The following CARF variants were observed in gnomAD, a reference collection of about 807,000 sequenced individuals.
The protein encoded by CARF is calcium responsive transcription factor, also known as calcium-responsive transcription factor.
CARF carries 57 observed loss-of-function variants against 82.0 expected under a neutral mutation model. The ratio of observed to expected loss-of-function variants is 0.70; its 90% confidence interval spans 0.56 to 0.87. The LOEUF (loss-of-function observed/expected upper bound fraction) is 0.87, where lower values mean the gene tolerates loss of function less well. CARF is among the 40% of genes least tolerant of loss of function. The pLI, the probability that CARF is intolerant of heterozygous loss-of-function variation, is 0.00. For synonymous variants in CARF, 268 were observed against 290.1 expected (o/e 0.92, Z 0.77); for missense variants, 771 against 855.8 (o/e 0.90, Z 1.24).
chr2:202,977,422 A>T, intron 14 of CARF, 90 bp downstream of exon 14: 1 of 959,314 alleles, frequency 1.0e-6, no homozygotes, highest in African/African-American at 1.6e-5. Context: ...ATCAAATTTT[A>T]TAGATAAGGA....
At chr2:202,916,675 A>G (rs1486587842) in intron 1 of CARF, among the ~76,000 whole-genome samples, 1 of 152,230 alleles carries the variant, frequency 6.6e-6, no homozygotes, top group Non-Finnish European at 1.5e-5. Context: ...TTTAATACAC[A>G]GAAGTCTGTG....
At chr2:202,946,598 T>G (rs1309711834) in intron 5 of CARF, among the ~76,000 whole-genome samples, 2 of 152,294 alleles carry the variant, frequency 1.3e-5, no homozygotes, top group Admixed American at 6.5e-5. Context: ...GGGCAAAGAC[T>G]TCATGACTAA....
chr2:202,918,577 G>C (rs1283537346), intron 2 of CARF, among the ~76,000 whole-genome samples: 1 of 152,064 alleles, frequency 6.6e-6, no homozygotes, highest in Non-Finnish European at 1.5e-5. Context: ...TACTTTGACG[G>C]AGTTAATTGG....
At position 202,952,948 on chromosome 2, in the gene CARF, TTAA is replaced by T. The variant is rs570581118; in HGVS notation, c.427+271_427+273del. The stretch of plus-strand genomic sequence containing the variant: ...CCAATGAGCATAAAATAAATTATTA[TTAA>T]TGATAACAGTAATAATAACAGCAAC... On this transcript the variant is annotated intron_variant, in intron 6 of 16. Transcript: ENST00000438828. Among the ~76,000 whole-genome samples the T allele has an allele frequency of 1.2e-4, 19 of 152,306 alleles. No homozygotes were observed. In the South Asian group the frequency reaches 3.7e-3, roughly 30 times the overall value.
rs1469158159 is a variant in CARF at position 202,976,856 on chromosome 2, C to T, written c.1495-413C>T. 7.9e-5 allele frequency among the ~76,000 whole-genome samples: 12 copies of T among 151,656 alleles called. No homozygotes were observed. The East Asian group carries it at 2.1e-3, about 27-fold the overall frequency. ...CTCCTGGCAGCTGGGACTACAGGCA[C>T]CAGCCATTACACCCAGCTAATTTTT... On this transcript the variant is annotated intron_variant, in intron 13 of 16. Transcript: ENST00000438828.
rs147474257 is a variant in CARF at position 202,939,912 on chromosome 2, A to G, written c.-43-1948A>G. On this transcript the variant is annotated intron_variant, in intron 3 of 16. Coordinates refer to ENST00000438828, the MANE Select transcript of CARF (RefSeq NM_024744.17). ...ATTATGTTGCCCAGGCTGGTCTCAG[A>G]TTCCTGGTGTCAAGCAATCCTCTTG... Among the ~76,000 whole-genome samples, 633 of 152,098 alleles carry G rather than the reference A, an allele frequency of 4.2e-3. 3 individuals carry two copies. The highest frequency in any genetic ancestry group is 7.1e-3 in the Non-Finnish European group (481 of 67,998).
intron 8 of CARF, among the ~76,000 whole-genome samples, chr2:202,959,830 GAAAAGA>G (rs2059228812): frequency 1.4e-5 from 2 of 142,184 alleles, no homozygotes; most frequent in African/African-American, 5.1e-5. Flanking sequence ...AAAAAAAAAA[GAAAAGA>G]AAAAGTTTCT....
At chr2:202,924,659 C>G (rs1691461631) in intron 3 of CARF, 1 of 154,010 alleles carries the variant, frequency 6.5e-6, no homozygotes, top group Non-Finnish European at 1.4e-5. Context: ...CCTCTGGTCC[C>G]TTGGTGGCCA....
intron 10 of CARF, among the ~76,000 whole-genome samples, chr2:202,968,133 G>C (rs1343250088): frequency 1.3e-5 from 2 of 152,106 alleles, no homozygotes; most frequent in African/African-American, 4.8e-5. Context: ...GCCGAGCATG[G>C]TGGCTAACGC....
chr2:202,930,968 CTTTTTTTTT>C (rs1007407230), intron 3 of CARF, among the ~76,000 whole-genome samples: 1 of 103,216 alleles, frequency 9.7e-6, no homozygotes, highest in East Asian at 2.7e-4. Flanking sequence ...TTTTTCTTTT[CTTTTTTTTT>C]TTTTTTTTTT....
intron 7 of CARF, among the ~76,000 whole-genome samples, chr2:202,955,161 A>G (rs530696801): frequency 1.3e-5 from 2 of 152,194 alleles, no homozygotes; most frequent in East Asian, 3.9e-4. Flanking sequence ...AAATAATACT[A>G]TGATATTTTA....
chr2:202,954,826 G>A (rs889305834), intron 7 of CARF, among the ~76,000 whole-genome samples: 4 of 151,362 alleles, frequency 2.6e-5, no homozygotes, highest in African/African-American at 9.7e-5. Flanking sequence ...TGGCTAACAC[G>A]GTAAAACCCC....
At chr2:202,980,670 C>T (rs1279491036) in intron 14 of CARF, among the ~76,000 whole-genome samples, 4 of 71,734 alleles carry the variant, frequency 5.6e-5, no homozygotes, top group African/African-American at 2.3e-4. Context: ...ATAGTTGTGC[C>T]TCTGTATCTA....
Position 202,984,160 on chromosome 2 carries a change from C to T in CARF, c.*536C>T, listed in dbSNP as rs1027131605. 3 of 152,208 alleles carry T rather than the reference C, an allele frequency of 2.0e-5. No homozygotes were observed. The highest frequency in any genetic ancestry group is 2.9e-5 in the Non-Finnish European group (2 of 68,096). The allele number at this position is 152,208 out of a possible 1,614,324, so 9.4% of individuals were successfully genotyped here. On this transcript the variant is annotated 3_prime_UTR_variant, in exon 17 of 17. Coordinates refer to ENST00000438828, the MANE Select transcript of CARF (RefSeq NM_024744.17). ...AAGAAAGATGAAGTATTAGATTTTA[C>T]ATCATAACACAAAGTCCAGCAGCTA...
chr2:202,978,125 C>T (rs2060107104), intron 14 of CARF, among the ~76,000 whole-genome samples: 1 of 152,150 alleles, frequency 6.6e-6, no homozygotes, highest in African/African-American at 2.4e-5. Flanking sequence ...GGATTACAGG[C>T]GTGAGCCACT....
At chr2:202,942,658 TG>T in intron 4 of CARF, 81 bp from the exon 5 acceptor site, 1 of 1,133,330 alleles carries the variant, frequency 8.8e-7, no homozygotes, top group Non-Finnish European at 1.2e-6. Flanking sequence ...AACTGAAAAA[TG>T]GATGTCTTTT....
rs1351751086 is a variant in CARF at position 202,981,598 on chromosome 2, T to G, written c.1602T>G (p.Asn534Lys). 6.2e-7 allele frequency: 1 copy of G among 1,608,086 alleles called. No individual in the cohort carries two copies. Among genetic ancestry groups the G allele is most frequent in the African/African-American group, 1.3e-5 (1 of 74,824 alleles). ...CAATTACCACCAAAGTGGAAACAAA[T>G]CAGACCAGGGGTTCTTTGTCTCCTG... ...GESITTKVET[N>K]QTRGSLSPEP... The change falls in exon 15 of 17, where the codon AAT (asparagine) becomes AAG (lysine). Residue 534 changes from asparagine to lysine, a missense_variant. Coordinates refer to ENST00000438828, the MANE Select transcript of CARF (RefSeq NM_024744.17).
chr2:202,976,683 C>CAAA (rs1318764943), intron 13 of CARF, among the ~76,000 whole-genome samples: 3 of 149,542 alleles, frequency 2.0e-5, no homozygotes, highest in Non-Finnish European at 4.4e-5. Context: ...TTTTAAAAGC[C>CAAA]AAAACTATTT....
chr2:202,923,074 T>C (rs1456091399), intron 2 of CARF, among the ~76,000 whole-genome samples: 18 of 152,052 alleles, frequency 1.2e-4, no homozygotes, highest in Admixed American at 1.0e-3. Flanking sequence ...AAACCCCATC[T>C]CTACTAAAAA....
Sources: gnomAD v4.1 joint callset for allele counts (sites outside exome capture counted in the v4.1 genomes callset) on GRCh38, gnomAD v4.1.1 for gene constraint, MANE v1.5 for transcripts, NCBI Gene and HGNC (gene_info 2026-07-23, HGNC 2026-07-21) for gene names.